ATF7IP2: variants seen among roughly 807,000 people sequenced by gnomAD.
ATF7IP2 encodes the protein activating transcription factor 7-interacting protein 2.
Under a neutral mutation model 64.2 loss-of-function variants are expected in ATF7IP2, and 42 were observed. That is an observed-to-expected ratio of 0.65 (90% CI 0.51 to 0.85). The LOEUF (loss-of-function observed/expected upper bound fraction) is 0.85, where lower values mean the gene tolerates loss of function less well. Ranked by LOEUF, ATF7IP2 falls within the 40% of genes least tolerant of loss-of-function variation. ATF7IP2 has a pLI of 0.00. For synonymous variants in ATF7IP2, 308 were observed against 272.8 expected, an observed-to-expected ratio of 1.13 and a Z score of -1.27; for missense variants, 933 against 784.2, an observed-to-expected ratio of 1.19 and a Z score of -2.27.
chr16:10,474,057 G>C (rs2049911887), intron 12 of ATF7IP2, 68 bp downstream of exon 12: 1 of 1,039,760 alleles, frequency 9.6e-7, no homozygotes. Context: ...AATGCACTGG[G>C]TCTACTTATG....
chr16:10,407,698 A>C (rs1400320082), intron 1 of ATF7IP2, among the ~76,000 whole-genome samples: 1 of 152,122 alleles, frequency 6.6e-6, no homozygotes, highest in African/African-American at 2.4e-5. Context: ...CGGTTACATA[A>C]GTTCTTTAGT....
At chr16:10,449,414 T>C (rs1004863411) in intron 8 of ATF7IP2, 1 of 152,238 alleles carries the variant, frequency 6.6e-6, no homozygotes, top group African/African-American at 2.4e-5. Context: ...TCTGGTAGGA[T>C]TTGGCTGTGA....
At chr16:10,394,364 AAGAG>A (rs576266484) in intron 1 of ATF7IP2, among the ~76,000 whole-genome samples, 2 of 152,238 alleles carry the variant, frequency 1.3e-5, no homozygotes, top group African/African-American at 4.8e-5. Flanking sequence ...TGCACCTACT[AAGAG>A]AGCAGCAAAA....
At chr16:10,426,998 G>C (rs1249347276) in intron 3 of ATF7IP2, among the ~76,000 whole-genome samples, 1 of 151,884 alleles carries the variant, frequency 6.6e-6, no homozygotes, top group African/African-American at 2.4e-5. Context: ...GAATACAGAC[G>C]TGTGCCACCA....
chr16:10,418,967 G>A (rs2047933806), intron 2 of ATF7IP2, among the ~76,000 whole-genome samples: 1 of 152,186 alleles, frequency 6.6e-6, no homozygotes, highest in Non-Finnish European at 1.5e-5. Flanking sequence ...AGACTGAGAG[G>A]TACAATTTGT....
intron 9 of ATF7IP2, among the ~76,000 whole-genome samples, chr16:10,467,339 G>A (rs1024335302): frequency 6.6e-6 from 1 of 152,072 alleles, no homozygotes; most frequent in Non-Finnish European, 1.5e-5. Flanking sequence ...ATAATTTGAA[G>A]TACTGTAGCT....
chr16:10,450,324 A>G lies in ATF7IP2; in HGVS notation c.1195-7048A>G, dbSNP rs150895025. ...GGGGTGGAGAGTTCTGTAGATGTCT[A>G]TTAGGTCCACTTGGTCCAGAGTTGA... On this transcript the variant is annotated intron_variant, in intron 8 of 13. Transcript: ENST00000562102. Among the ~76,000 whole-genome samples, 8 of 152,324 alleles carry G rather than the reference A, an allele frequency of 5.3e-5. 1 individual carries two copies. The highest frequency in any genetic ancestry group is 1.9e-4 in the African/African-American group (8 of 41,572).
At chr16:10,467,877 TC>T (rs574393362) in intron 9 of ATF7IP2, among the ~76,000 whole-genome samples, 1 of 148,584 alleles carries the variant, frequency 6.7e-6, no homozygotes, top group African/African-American at 2.5e-5. Context: ...AATCAAATAT[TC>T]TTTTTTTTTT....
At chr16:10,468,833 G>C (rs1020607033) in intron 9 of ATF7IP2, among the ~76,000 whole-genome samples, 2 of 152,168 alleles carry the variant, frequency 1.3e-5, no homozygotes, top group African/African-American at 4.8e-5. Context: ...AGAAAGATTG[G>C]TAACATTTTG....
rs73497902 is a variant in ATF7IP2, at chr16:10,472,278, A to G, written c.1426+95A>G. 5.8e-3 allele frequency: 3,320 copies of G among 569,460 alleles called. 76 individuals carry two copies. Among genetic ancestry groups the G allele is most frequent in the African/African-American group, 0.057 (2,937 of 51,878 alleles). The allele number at this position is 569,460 out of a possible 1,614,324, so 35.3% of individuals were successfully genotyped here. ...GAAAAATTGAATAATATCTTTTAATAAAATGAAAAAGTTAAATGTACTCTC... is the reference window on the plus strand; with the variant it reads ...GAAAAATTGAATAATATCTTTTAATGAAATGAAAAAGTTAAATGTACTCTC... On this transcript the variant is annotated intron_variant, in intron 10 of 13. Transcript: ENST00000562102.
intron 3 of ATF7IP2, among the ~76,000 whole-genome samples, chr16:10,428,050 A>G (rs188256150): frequency 2.0e-5 from 3 of 152,350 alleles, no homozygotes; most frequent in South Asian, 4.1e-4. Flanking sequence ...TTGCTCAACA[A>G]CAAAATTAAA....
intron 4 of ATF7IP2, among the ~76,000 whole-genome samples, chr16:10,429,755 T>A: frequency 7.0e-6 from 1 of 143,798 alleles, no homozygotes; most frequent in Middle Eastern, 3.6e-3. Flanking sequence ...TTTATTTTAT[T>A]TTATTATTTT....
chr16:10,386,473 T>G (rs2047206226), intron 1 of ATF7IP2: 1 of 152,222 alleles, frequency 6.6e-6, no homozygotes. Context: ...CTCGCTCTTG[T>G]CCGGAATGCT....
chr16:10,434,856 G>C (rs551678121), intron 6 of ATF7IP2, among the ~76,000 whole-genome samples: 2 of 152,302 alleles, frequency 1.3e-5, no homozygotes, highest in African/African-American at 4.8e-5. Context: ...GGAGTGCAGT[G>C]GCACAGTCTC....
At chr16:10,452,340 C>G (rs1364858383) in intron 8 of ATF7IP2, among the ~76,000 whole-genome samples, 2 of 152,138 alleles carry the variant, frequency 1.3e-5, no homozygotes, top group Admixed American at 6.5e-5. Flanking sequence ...TGATGCTATT[C>G]CTTTCTGTTT....
At chr16:10,446,821 A>G (rs868285439) in intron 8 of ATF7IP2, 1 of 152,182 alleles carries the variant, frequency 6.6e-6, no homozygotes, top group Non-Finnish European at 1.5e-5. Flanking sequence ...GGTGAGGCTC[A>G]ATATCCCCTA....
chr16:10,427,985 A>G (rs1445252676), intron 3 of ATF7IP2, among the ~76,000 whole-genome samples: 1 of 152,230 alleles, frequency 6.6e-6, no homozygotes, highest in Non-Finnish European at 1.5e-5. Context: ...ATACGTAAGC[A>G]CATGGATGAA....
chr16:10,423,978 G>C (rs986905586), intron 3 of ATF7IP2, among the ~76,000 whole-genome samples: 2 of 152,228 alleles, frequency 1.3e-5, no homozygotes, highest in African/African-American at 4.8e-5. Flanking sequence ...AGCCTTCATA[G>C]CTGAGAGCCA....
At chr16:10,399,468 T>G (rs1233820680) in intron 1 of ATF7IP2, among the ~76,000 whole-genome samples, 1 of 152,252 alleles carries the variant, frequency 6.6e-6, no homozygotes, top group Non-Finnish European at 1.5e-5. Flanking sequence ...GCATATATTC[T>G]TGTCAACTTT....
Sources: gnomAD v4.1 joint callset for allele counts (sites outside exome capture counted in the v4.1 genomes callset) on GRCh38, gnomAD v4.1.1 for gene constraint, MANE v1.5 for transcripts, NCBI Gene and HGNC (gene_info 2026-07-23, HGNC 2026-07-21) for gene names.